PCDHA5: variants seen among roughly 807,000 people sequenced by gnomAD.
The protein encoded by PCDHA5 is protocadherin alpha-5.
A neutral mutation model predicts 61.6 loss-of-function variants in PCDHA5; 43 were observed. That is an observed-to-expected ratio of 0.70 (90% CI 0.55 to 0.90). The LOEUF (loss-of-function observed/expected upper bound fraction) is 0.90. Ranked by LOEUF, PCDHA5 falls within the 40% of genes least tolerant of loss-of-function variation. The pLI is 0.00. For synonymous variants in PCDHA5, 627 were observed against 543.9 expected, an observed-to-expected ratio of 1.15 and a Z score of -2.13; for missense variants, 1,298 against 1,222.7, an observed-to-expected ratio of 1.06 and a Z score of -0.92.
At chr5:140,850,495 T>A (rs2150486434) in intron 1 of PCDHA5, 3 of 1,597,906 alleles carry the variant, frequency 1.9e-6, no homozygotes, top group South Asian at 2.2e-5. Flanking sequence ...ACTGTGCTGG[T>A]GTCGCTGGTG....
chr5:140,933,586 T>A (rs1474110331), intron 1 of PCDHA5, among the ~76,000 whole-genome samples: 1 of 152,108 alleles, frequency 6.6e-6, no homozygotes, highest in Non-Finnish European at 1.5e-5. Flanking sequence ...AGTGGGTTTT[T>A]AGGTTGATTT....
In PCDHA5 at chr5:140,822,270, A is replaced by G. The variant is rs2150115049; in HGVS notation, c.495A>G (p.Ala165=). ...CGGATTTGGATATTGGAGCAAATGC[A>G]CAATTGAGATACAGGTTAAATCCAA... ...GASDLDIGAN[A]QLRYRLNPNE... Residue 165 remains alanine, a synonymous_variant, in exon 1 of 4, where the codon GCA becomes GCG. Transcript: ENST00000529859. 7 of 1,614,138 alleles carry G rather than the reference A, an allele frequency of 4.3e-6. No individual in the cohort carries two copies. Among genetic ancestry groups the G allele is most frequent in the African/African-American group, 4.0e-5 (3 of 74,958 alleles).
chr5:140,951,493 A>C (rs1554219918), intron 1 of PCDHA5, among the ~76,000 whole-genome samples: 1 of 152,022 alleles, frequency 6.6e-6, no homozygotes, highest in Non-Finnish European at 1.5e-5. Context: ...TCATGGTGGA[A>C]GGCAAAAGGA....
chr5:140,910,972 G>T (rs533796834), intron 1 of PCDHA5, among the ~76,000 whole-genome samples: 1 of 152,124 alleles, frequency 6.6e-6, no homozygotes, highest in African/African-American at 2.4e-5. Flanking sequence ...CCTCCTCATG[G>T]GTTATACTCT....
intron 1 of PCDHA5, chr5:140,876,480 C>A (rs368324550): frequency 6.2e-7 from 1 of 1,613,992 alleles, no homozygotes; most frequent in Non-Finnish European, 8.5e-7. Context: ...ACAGCATGGT[C>A]CTGGTGGAAG....
chr5:140,858,537 C>T (rs1485044907), intron 1 of PCDHA5: 2 of 1,400,036 alleles, frequency 1.4e-6, no homozygotes, highest in Non-Finnish European at 2.0e-6. Flanking sequence ...TTTTTGTCTA[C>T]ATTCCATTTA....
chr5:140,848,641 C>T, intron 1 of PCDHA5: 1 of 1,593,240 alleles, frequency 6.3e-7, no homozygotes, highest in South Asian at 1.1e-5. Flanking sequence ...GGCCGCATCG[C>T]GCAGGACCTG....
intron 1 of PCDHA5, among the ~76,000 whole-genome samples, chr5:140,906,212 A>C (rs2072460025): frequency 6.6e-6 from 1 of 152,194 alleles, no homozygotes; most frequent in South Asian, 2.1e-4. Context: ...CTCAGTATTA[A>C]CCATCACAAG....
chr5:140,830,998 T>TA (rs1415698100), intron 1 of PCDHA5: 3 of 152,294 alleles, frequency 2.0e-5, no homozygotes, highest in Non-Finnish European at 4.4e-5. Context: ...TCATAGTTTT[T>TA]ATCTGTGGTT....
chr5:140,952,058 T>A (rs889374877), intron 1 of PCDHA5, among the ~76,000 whole-genome samples: 7 of 151,978 alleles, frequency 4.6e-5, no homozygotes, highest in Non-Finnish European at 8.8e-5. Context: ...ATCTTAAAGC[T>A]CCAAATAATC....
intron 1 of PCDHA5, among the ~76,000 whole-genome samples, chr5:140,954,129 G>T (rs1206426573): frequency 6.6e-6 from 1 of 152,160 alleles, no homozygotes; most frequent in Non-Finnish European, 1.5e-5. Context: ...CCTTTTTATG[G>T]ATGCATAGTA....
chr5:140,841,773 G>C (rs1292935559), intron 1 of PCDHA5: 2 of 1,613,894 alleles, frequency 1.2e-6, no homozygotes, highest in East Asian at 4.5e-5. Flanking sequence ...CCAGACTCTC[G>C]GTTTCCGCTA....
intron 1 of PCDHA5, chr5:140,835,322 T>C: frequency 6.2e-7 from 1 of 1,613,282 alleles, no homozygotes; most frequent in Non-Finnish European, 8.5e-7. Context: ...TTGAAGAAAG[T>C]AGAGCACACA....
chr5:140,972,287 G>T (rs2096528818), intron 1 of PCDHA5, among the ~76,000 whole-genome samples: 1 of 151,036 alleles, frequency 6.6e-6, no homozygotes, highest in Non-Finnish European at 1.5e-5. Flanking sequence ...CCATAGATGT[G>T]CGCCACCGTG....
At chr5:141,001,974 C>T (rs1375819013) in intron 3 of PCDHA5, among the ~76,000 whole-genome samples, 1 of 152,136 alleles carries the variant, frequency 6.6e-6, no homozygotes, top group African/African-American at 2.4e-5. Flanking sequence ...TGTCTCTGCG[C>T]GGAAAGCCTG....
intron 3 of PCDHA5, among the ~76,000 whole-genome samples, chr5:140,983,854 T>A (rs1554245766): frequency 6.6e-6 from 1 of 152,206 alleles, no homozygotes; most frequent in Non-Finnish European, 1.5e-5. Flanking sequence ...TTAAGTAACA[T>A]GCAGCTAAGG....
chr5:140,884,549 G>A (rs782470468), intron 1 of PCDHA5: 3 of 1,614,016 alleles, frequency 1.9e-6, no homozygotes, highest in African/African-American at 1.3e-5. Context: ...GGTGTGCTCT[G>A]GGGAGGGCCC....
Position 140,850,160 on chromosome 5 carries a change from G to A in PCDHA5, c.2352+26033G>A, listed in dbSNP as rs2150470275. On this transcript the variant is annotated intron_variant, in intron 1 of 3. Coordinates refer to ENST00000529859, the MANE Select transcript of PCDHA5 (RefSeq NM_018908.3). ...GCAACGTGACGCTGCAGGTGTTCGT[G>A]CTGGACGAGAACGACAATGCGCCGG... 5 of 1,595,068 alleles carry A rather than the reference G, an allele frequency of 3.1e-6. No homozygotes were observed. The Admixed American group carries it at 6.7e-5, about 22-fold the overall frequency.
At chr5:140,890,961 TTTTG>T (rs1239214366) in intron 1 of PCDHA5, among the ~76,000 whole-genome samples, 3 of 152,172 alleles carry the variant, frequency 2.0e-5, no homozygotes, top group African/African-American at 7.2e-5. Flanking sequence ...TGATTTCAGG[TTTTG>T]TTTTTCTGAA....
Sources: allele counts gnomAD v4.1 joint callset (sites outside exome capture counted in the v4.1 genomes callset), GRCh38; gene constraint gnomAD v4.1.1; transcripts MANE v1.5; gene names NCBI Gene and HGNC (gene_info 2026-07-23, HGNC 2026-07-21).